Variants in PHACTR3 observed in about 807,000 individuals in gnomAD.
PHACTR3 encodes phosphatase and actin regulator 3.
In PHACTR3, 16 loss-of-function variants were observed where a neutral mutation model predicts 66.8. That is an observed-to-expected ratio of 0.24 (90% CI 0.16 to 0.36). The LOEUF (loss-of-function observed/expected upper bound fraction) is 0.36, where lower values mean the gene tolerates loss of function less well. Among genes scored for constraint, PHACTR3 ranks in the 10% least tolerant of loss-of-function variants. PHACTR3 has a pLI of 1.00. For missense variants in PHACTR3, 647 were observed against 719.9 expected (o/e 0.90, Z 1.16); for synonymous variants, 323 against 292.1 (o/e 1.11, Z -1.08).
intron 7 of PHACTR3, among the ~76,000 whole-genome samples, chr20:59,785,073 A>G (rs1240739509): frequency 1.3e-5 from 2 of 152,074 alleles, no homozygotes; most frequent in Non-Finnish European, 2.9e-5. Flanking sequence ...CTCAGGCAGG[A>G]GGGGATGGGG....
At chr20:59,740,257 A>G (rs2039104464) in intron 1 of PHACTR3, among the ~76,000 whole-genome samples, 1 of 152,184 alleles carries the variant, frequency 6.6e-6, no homozygotes, top group Admixed American at 6.5e-5. Context: ...AACATGAACT[A>G]TTAATAAACT....
At chr20:59,819,469 G>A (rs2041971184) in intron 8 of PHACTR3, among the ~76,000 whole-genome samples, 1 of 151,692 alleles carries the variant, frequency 6.6e-6, no homozygotes, top group Non-Finnish European at 1.5e-5. Context: ...CTAGGAGTTA[G>A]AGGCTGCAGT....
In PHACTR3 at chr20:59,774,286, G is replaced by T. The variant is rs201967024; in HGVS notation, c.970G>T (p.Asp324Tyr). 6.2e-7 allele frequency: 1 copy of T among 1,609,260 alleles called. No homozygotes were observed. Among genetic ancestry groups the T allele is most frequent in the East Asian group, 2.2e-5 (1 of 44,834 alleles). ...ESKGSPKKRL[D>Y]VRLSRTSSVE... is the part of the protein sequence containing the mutation. ...TAAAGGGTCTCCAAAGAAGCGGCTG[G>T]ATGTCCGTCTGTCGAGAACGTCCAG... Residue 324 changes from aspartate (D) to tyrosine (Y), a missense_variant, in exon 7 of 13, where the codon GAT (aspartate) becomes TAT (tyrosine). Coordinates refer to ENST00000371015, the MANE Select transcript of PHACTR3 (RefSeq NM_080672.5).
intron 7 of PHACTR3, among the ~76,000 whole-genome samples, chr20:59,802,947 A>G (rs937300991): frequency 2.0e-5 from 3 of 152,238 alleles, no homozygotes; most frequent in Non-Finnish European, 2.9e-5. Flanking sequence ...TGGAAAGACA[A>G]TGCTGTATTA....
At chr20:59,733,251 C>T (rs1457966702) in intron 1 of PHACTR3, among the ~76,000 whole-genome samples, 3 of 152,112 alleles carry the variant, frequency 2.0e-5, no homozygotes, top group African/African-American at 7.2e-5. Flanking sequence ...TCATGCTCTT[C>T]AGTCATTACT....
At chr20:59,774,788 G>A (rs1266151277) in intron 7 of PHACTR3, among the ~76,000 whole-genome samples, 1 of 151,970 alleles carries the variant, frequency 6.6e-6, no homozygotes, top group African/African-American at 2.4e-5. Context: ...AAGTGGTGAA[G>A]CAAGTGACTT....
intron 1 of PHACTR3, among the ~76,000 whole-genome samples, chr20:59,630,928 G>A (rs2034637883): frequency 6.6e-6 from 1 of 152,192 alleles, no homozygotes; most frequent in Admixed American, 6.5e-5. Flanking sequence ...AGACAGGGGT[G>A]GTTGGAGGGA....
intron 1 of PHACTR3, among the ~76,000 whole-genome samples, chr20:59,708,602 C>T (rs546250543): frequency 6.6e-6 from 1 of 152,280 alleles, no homozygotes; most frequent in South Asian, 2.1e-4. Flanking sequence ...TTCGGTTGCC[C>T]TGCTGGTCCC....
intron 7 of PHACTR3, among the ~76,000 whole-genome samples, chr20:59,775,876 C>T (rs1415337984): frequency 1.3e-5 from 2 of 152,204 alleles, no homozygotes; most frequent in African/African-American, 4.8e-5. Flanking sequence ...TGGCAAGAGG[C>T]CAGGCGATTC....
At chr20:59,660,838 G>A (rs1016283076) in intron 1 of PHACTR3, among the ~76,000 whole-genome samples, 4 of 152,200 alleles carry the variant, frequency 2.6e-5, no homozygotes, top group Non-Finnish European at 5.9e-5. Context: ...CAAAAATAGG[G>A]AAATTATACA....
chr20:59,723,383 GTGGCAGGGT>G (rs1408168658), intron 1 of PHACTR3, among the ~76,000 whole-genome samples: 3 of 152,056 alleles, frequency 2.0e-5, no homozygotes, highest in Non-Finnish European at 4.4e-5. Flanking sequence ...GGGGTGTGCT[GTGGCAGGGT>G]TGTTTCACCT....
chr20:59,794,888 CCA>C (rs2041208001), intron 7 of PHACTR3, among the ~76,000 whole-genome samples: 1 of 152,014 alleles, frequency 6.6e-6, no homozygotes, highest in Non-Finnish European at 1.5e-5. Flanking sequence ...ATCTAATGTT[CCA>C]TTTTTCATCT....
At chr20:59,641,057 T>G (rs1379186825) in intron 1 of PHACTR3, among the ~76,000 whole-genome samples, 1 of 152,112 alleles carries the variant, frequency 6.6e-6, no homozygotes, top group African/African-American at 2.4e-5. Flanking sequence ...TATATACATA[T>G]TATATTTGTC....
chr20:59,657,257 T>TTGTGTG lies in PHACTR3; in HGVS notation c.118+52147_118+52152dup, dbSNP rs112043545. On this transcript the variant is annotated intron_variant, in intron 1 of 12. Transcript: ENST00000371015. ...TTATAGGCACAATGATAGAAGTGTG[T>TTGTGTG]TGTGTGTGTGTGTGTGTGTGTGTGT... is the stretch of plus-strand genomic sequence containing the variant. Among the ~76,000 whole-genome samples, 1,162 of 150,198 alleles carry TTGTGTG rather than the reference T, an allele frequency of 7.7e-3. 13 individuals carry two copies. The highest frequency in any genetic ancestry group is 0.025 in the African/African-American group (1,030 of 40,986).
At chr20:59,664,230 G>A (rs1394687238) in intron 1 of PHACTR3, among the ~76,000 whole-genome samples, 2 of 152,190 alleles carry the variant, frequency 1.3e-5, no homozygotes, top group Non-Finnish European at 2.9e-5. Flanking sequence ...AGGAGTGAGT[G>A]TAAGGACTTT....
intron 8 of PHACTR3, among the ~76,000 whole-genome samples, chr20:59,832,891 C>T (rs1293702842): frequency 3.3e-5 from 5 of 152,334 alleles, no homozygotes; most frequent in South Asian, 4.1e-4. Context: ...CTAGTCTGAA[C>T]GGTGGCCTGG....
At chr20:59,769,933 C>T (rs988820871) in intron 5 of PHACTR3, among the ~76,000 whole-genome samples, 1 of 152,212 alleles carries the variant, frequency 6.6e-6, no homozygotes, top group African/African-American at 2.4e-5. Context: ...TGTGATAGCT[C>T]CCTTTTTCCT....
At chr20:59,767,888 C>T (rs1047363080) in intron 5 of PHACTR3, among the ~76,000 whole-genome samples, 1 of 150,784 alleles carries the variant, frequency 6.6e-6, no homozygotes, top group Non-Finnish European at 1.5e-5. Flanking sequence ...CCATTCCATT[C>T]TTTCTGGATG....
At chr20:59,596,698 G>A (rs971776863) in intron 1 of PHACTR3, among the ~76,000 whole-genome samples, 1 of 152,228 alleles carries the variant, frequency 6.6e-6, no homozygotes, top group Non-Finnish European at 1.5e-5. Flanking sequence ...TGCATAGCTT[G>A]TGTGTCTGCT....
Sources: gnomAD v4.1 joint callset for allele counts (sites outside exome capture counted in the v4.1 genomes callset) on GRCh38, gnomAD v4.1.1 for gene constraint, MANE v1.5 for transcripts, NCBI Gene and HGNC (gene_info 2026-07-23, HGNC 2026-07-21) for gene names.